The following UGP2 variants were observed in gnomAD, a reference collection of about 807,000 sequenced individuals.
UGP2 encodes UDP-glucose pyrophosphorylase 2, also known as UTP--glucose-1-phosphate uridylyltransferase.
Under a neutral mutation model 49.0 loss-of-function variants are expected in UGP2, and 40 were observed. The ratio of observed to expected loss-of-function variants is 0.82; its 90% CI spans 0.63 to 1.06. UGP2 has a LOEUF of 1.06. Among genes scored for constraint, UGP2 ranks in the 50% least tolerant of loss-of-function variants. The probability of loss-of-function intolerance (pLI) is 0.00; values close to 1 mark genes in which losing one functional copy is unlikely to be tolerated. For synonymous variants in UGP2, 225 were observed against 213.0 expected (o/e 1.06, Z -0.49); for missense variants, 460 against 603.5 (o/e 0.76, Z 2.49).
rs147929063 is a variant in UGP2 at position 63,887,338 on chromosome 2, A to G, written c.1072-64A>G. On this transcript the variant is annotated intron_variant, in intron 7 of 9. Transcript: ENST00000337130. The stretch of plus-strand genomic sequence containing the variant: ...ACTTCCCAAATATTAACTAACCTAC[A>G]TGGAACTAAGTTGTAGGTGCCTAAA... 8.6e-4 allele frequency: 1,370 copies of G among 1,585,954 alleles called. 3 individuals carry two copies. In the African/African-American group the frequency reaches 9.3e-3, roughly 11 times the overall value.
chr2:63,884,099 A>T lies in UGP2; in HGVS notation c.575+6A>T, dbSNP rs1370331766. 1.2e-6 allele frequency: 2 copies of T among 1,611,550 alleles called. No individual in the cohort carries two copies. The highest frequency in any genetic ancestry group is 1.7e-6 in the Non-Finnish European group (2 of 1,179,536). ...TACACTTTCAATCAAAGCAGGTACA[A>T]TGAGTAAAAAATTAACTCTGGGTAT... On this transcript the variant is annotated splice_donor_region_variant and intron_variant, in intron 5 of 9. Transcript: ENST00000337130.
chr2:63,887,368 C>G (rs1558964079), intron 7 of UGP2, 34 bp from the exon 8 acceptor site: 9 of 1,611,798 alleles, frequency 5.6e-6, no homozygotes, highest in Non-Finnish European at 8.5e-7. Context: ...CCTAAAACCT[C>G]TGTTTTCTAT....
intron 8 of UGP2, chr2:63,889,838 C>G: frequency 2.8e-6 from 1 of 353,126 alleles, no homozygotes; most frequent in Non-Finnish European, 5.1e-6. Context: ...AGAAAAAAAA[C>G]CCTTAGATCT....
At chr2:63,844,287 G>A (rs1383159253) in intron 1 of UGP2, among the ~76,000 whole-genome samples, 3 of 152,142 alleles carry the variant, frequency 2.0e-5, no homozygotes, top group Non-Finnish European at 4.4e-5. Context: ...TCAAGTGTAA[G>A]GGTTGGAAAT....
At chr2:63,853,018 A>T (rs1669142437) in intron 1 of UGP2, among the ~76,000 whole-genome samples, 1 of 152,090 alleles carries the variant, frequency 6.6e-6, no homozygotes, top group South Asian at 2.1e-4. Flanking sequence ...AAAGTTTAGG[A>T]TGAGAGGCAC....
In UGP2 at chr2:63,891,281, G is replaced by C. The variant is rs1672136541; in HGVS notation, c.*54G>C. 9.5e-6 allele frequency: 14 copies of C among 1,469,754 alleles called. No individual in the cohort carries two copies. Among genetic ancestry groups the C allele is most frequent in the East Asian group, 2.3e-5 (1 of 43,834 alleles). 91.0% of individuals were successfully genotyped at this position (1,469,754 alleles called of 1,614,324 possible). Reference sequence around the variant, plus strand: ...ATGGGCTAGTTTCTTACAATGAAATGTTCTCTAGGATTCTAAAATAGGCAG... The same window carrying C: ...ATGGGCTAGTTTCTTACAATGAAATCTTCTCTAGGATTCTAAAATAGGCAG... On this transcript the variant is annotated 3_prime_UTR_variant, in exon 10 of 10. Coordinates refer to ENST00000337130, the MANE Select transcript of UGP2 (RefSeq NM_006759.4).
At chr2:63,874,141 G>A (rs1670750315) in intron 3 of UGP2, among the ~76,000 whole-genome samples, 1 of 152,204 alleles carries the variant, frequency 6.6e-6, no homozygotes, top group African/African-American at 2.4e-5. Context: ...GGATGGCAGT[G>A]TGCCCAGCTG....
At chr2:63,882,707 T>C (rs890952952) in intron 4 of UGP2, 56 bp downstream of exon 4, 2 of 1,426,232 alleles carry the variant, frequency 1.4e-6, no homozygotes, top group Non-Finnish European at 1.9e-6. Context: ...AGTTTTTAAG[T>C]TATCATAAAT....
At chr2:63,884,907 T>C (rs1482129658) in intron 5 of UGP2, among the ~76,000 whole-genome samples, 1 of 139,884 alleles carries the variant, frequency 7.1e-6, no homozygotes, top group Non-Finnish European at 1.5e-5. Flanking sequence ...AAAAATAAAA[T>C]AAAAATAAAA....
chr2:63,889,811 T>TATC (rs1304314022), intron 8 of UGP2: 3 of 266,730 alleles, frequency 1.1e-5, no homozygotes, highest in South Asian at 1.5e-4. Flanking sequence ...GCATGTTGAT[T>TATC]ATCTTTAAAA....
upstream of UGP2, chr2:63,841,700 T>G (rs565630026): frequency 2.6e-5 from 4 of 153,896 alleles, no homozygotes; most frequent in African/African-American, 9.6e-5. Context: ...CGGGAGCCGC[T>G]GTTAACCGGG....
intron 8 of UGP2, chr2:63,887,957 A>C: frequency 3.4e-6 from 1 of 291,458 alleles, no homozygotes; most frequent in South Asian, 4.3e-5. Flanking sequence ...TACTTATTGA[A>C]TGCCTATCAT....
At chr2:63,890,515 T>C (rs79986603) in intron 9 of UGP2, among the ~76,000 whole-genome samples, 2,741 of 152,174 alleles carry the variant, frequency 0.018, 42 homozygotes, top group Non-Finnish European at 0.03. Context: ...ACGTAAGAAA[T>C]AGGAGGGAAA....
intron 2 of UGP2, chr2:63,856,994 A>C (rs1199274513): frequency 2.7e-6 from 1 of 369,772 alleles, no homozygotes; most frequent in East Asian, 7.2e-5. Context: ...GAAGTAGAGA[A>C]AGATATTGGT....
rs1339145634 is a variant in UGP2 at position 63,891,124 on chromosome 2, C to T, written c.1424C>T (p.Thr475Met). ...TTTGTTTTCCCTGTCACTTAGGGAA[C>T]GGTTATCATCATTGCAAATCATGGT... ...TFGKNVSLKG[T>M]VIIIANHGDR... Residue 475 changes from threonine (T) to methionine (M), a missense_variant, in exon 10 of 10, where the codon ACG (threonine) becomes ATG (methionine). Around this residue, in one of 2 missense-constraint regions of UGP2, gnomAD observed 317 missense variants for 473.0 expected, o/e 0.67. Transcript: ENST00000337130. 11 of 1,611,134 alleles carry T rather than the reference C, an allele frequency of 6.8e-6. No homozygotes were observed. Among genetic ancestry groups the T allele is most frequent in the South Asian group, 1.1e-5 (1 of 90,576 alleles).
intron 9 of UGP2, 116 bp from the exon 10 acceptor site, chr2:63,891,004 T>TA (rs941301313): frequency 3.2e-5 from 21 of 663,752 alleles, no homozygotes; most frequent in Middle Eastern, 3.6e-4. Flanking sequence ...ATATTGTTTA[T>TA]AAAAAAAGTT....
chr2:63,869,528 T>C (rs1447382958), intron 3 of UGP2, among the ~76,000 whole-genome samples: 1 of 152,218 alleles, frequency 6.6e-6, no homozygotes, highest in East Asian at 1.9e-4. Context: ...TGCTTTAATA[T>C]AACAAAAAGG....
intron 1 of UGP2, among the ~76,000 whole-genome samples, chr2:63,845,829 G>T (rs1671891603): frequency 1.3e-5 from 2 of 152,124 alleles, no homozygotes. Context: ...CAAATCCTAG[G>T]CATTGTGCCT....
intron 3 of UGP2, among the ~76,000 whole-genome samples, chr2:63,873,340 GGA>G (rs1455788316): frequency 6.6e-6 from 1 of 152,286 alleles, no homozygotes; most frequent in African/African-American, 2.4e-5. Flanking sequence ...AACTTAGTTT[GGA>G]GAGAGGTAAA....
Sources: gnomAD v4.1 joint callset for allele counts (sites outside exome capture counted in the v4.1 genomes callset) on GRCh38, gnomAD v4.1.1 for gene constraint, gnomAD v4.1.1 regional missense constraint, MANE v1.5 for transcripts, NCBI Gene and HGNC (gene_info 2026-07-23, HGNC 2026-07-21) for gene names.